Variants in NBPF14 observed in about 807,000 individuals in gnomAD.
NBPF14 encodes the protein NBPF family member NBPF14.
NBPF14 carries 104 observed loss-of-function variants against 91.2 expected under a neutral mutation model. The ratio of observed to expected loss-of-function variants is 1.14; its 90% CI spans 0.97 to 1.34. The LOEUF is 1.34. NBPF14 is among the 40% of genes most tolerant of loss of function. NBPF14 has a pLI of 0.00. For missense variants in NBPF14, 908 were observed against 783.0 expected (o/e 1.16, Z -1.91); for synonymous variants, 294 against 303.8 (o/e 0.97, Z 0.34).
rs1234068588 is a variant in NBPF14 at position 148,534,946 on chromosome 1, G to T, written c.8442-90C>A. 5.4e-6 allele frequency: 4 copies of T among 747,576 alleles called. No homozygotes were observed. In the South Asian group the frequency reaches 5.7e-5, roughly 11 times the overall value. The allele number at this position is 747,576 out of a possible 1,614,324, so 46.3% of individuals were successfully genotyped here. ...GATTTCATGGCTAACATAAGGAACA[G>T]TTTAAAAAGAAAAAGGACAGATCCA... On this transcript the variant is annotated intron_variant, in intron 68 of 70. Transcript: ENST00000619423.
In NBPF14 at chr1:148,559,864, G is replaced by T; in HGVS notation, c.4658C>A (p.Ser1553Ter). ...AAAGGCACTTCTATAGGGCTGGCAT[G>T]AGTCAGTCAGTTCAAGACAACCTGA... Residue 1553 changes from serine to a stop codon, truncating the protein, a stop_gained, in exon 37 of 71, where the codon TCA (serine) becomes TAA (stop). Transcript: ENST00000619423. LOFTEE classifies it high-confidence loss of function. 2.7e-6 allele frequency: 4 copies of T among 1,481,318 alleles called. 1 individual carries two copies. Among genetic ancestry groups the T allele is most frequent in the Non-Finnish European group, 3.6e-6 (4 of 1,099,810 alleles). The allele number at this position is 1,481,318 out of a possible 1,614,324, so 91.8% of individuals were successfully genotyped here. A position where few individuals can be genotyped will look rare whatever the true frequency, so the allele number is the denominator to read the frequency against.
intron 6 of NBPF14, among the ~76,000 whole-genome samples, chr1:148,589,782 C>A (rs1338147648): frequency 6.8e-6 from 1 of 147,090 alleles, no homozygotes; most frequent in African/African-American, 2.5e-5. Context: ...ACGCAGGCTG[C>A]AGTGCAGAGG....
At position 148,595,453 on chromosome 1, in the gene NBPF14, A is replaced by G; in HGVS notation, c.175+90T>C. 3.9e-6 allele frequency: 5 copies of G among 1,291,312 alleles called. 1 individual carries two copies. The South Asian group carries it at 6.3e-5, about 16-fold the overall frequency. The allele number at this position is 1,291,312 out of a possible 1,614,324, so 80.0% of individuals were successfully genotyped here. On this transcript the variant is annotated intron_variant, in intron 2 of 70. Coordinates refer to ENST00000619423, the Ensembl canonical transcript of NBPF14. ...TTCTTAGAAGTACAGGAAGGATGAAATTATTTTTGATGGAGAGAGCATTTA... is the reference window on the plus strand; with the variant it reads ...TTCTTAGAAGTACAGGAAGGATGAAGTTATTTTTGATGGAGAGAGCATTTA...
intron 69 of NBPF14, among the ~76,000 whole-genome samples, 163 bp downstream of exon 69, chr1:148,534,521 G>A (rs1654620577): frequency 2.0e-5 from 3 of 151,842 alleles, no homozygotes; most frequent in Admixed American, 6.6e-5. Flanking sequence ...TCATGTCTAG[G>A]CTTCCAGCTG....
intron 36 of NBPF14, among the ~76,000 whole-genome samples, chr1:148,560,218 G>C (rs1452947078): frequency 6.6e-6 from 1 of 150,914 alleles, no homozygotes; most frequent in Non-Finnish European, 1.5e-5. Flanking sequence ...CTAGTGAATT[G>C]GCCAGGTGAC....
At chr1:148,534,766 T>G in exon 69 of NBPF14, 1 of 831,088 alleles carries the variant, frequency 1.2e-6, no homozygotes, top group Non-Finnish European at 2.1e-6. Context: ...AGTCAGGCAG[T>G]TCAAGATAAC....
In NBPF14 at chr1:148,562,300, C is replaced by G; in HGVS notation, c.4223-13G>C. ...TCCTTTTTAATTCCTGCAATACATT[C>G]AGACAGGGACAGACAAAATAAGCCA... is the stretch of plus-strand genomic sequence containing the variant. On this transcript the variant is annotated splice_polypyrimidine_tract_variant and intron_variant, in intron 33 of 70. Transcript: ENST00000619423. The G allele has an allele frequency of 6.2e-6, 1 of 162,454 alleles. No homozygotes were observed. The highest frequency in any genetic ancestry group is 3.3e-5 in the South Asian group (1 of 29,860). The allele number at this position is 162,454 out of a possible 1,614,324, so 10.1% of individuals were successfully genotyped here.
At chr1:148,559,631 G>C (rs1270731666) in intron 37 of NBPF14, among the ~76,000 whole-genome samples, 162 bp downstream of exon 37, 1 of 125,132 alleles carries the variant, frequency 8.0e-6, no homozygotes, top group East Asian at 2.4e-4. Context: ...CCCTTGTCTG[G>C]GCTTCCAAGT....
chr1:148,566,260 C>T, exon 29 of NBPF14: 1 of 640,192 alleles, frequency 1.6e-6, no homozygotes, highest in Admixed American at 2.3e-5. Flanking sequence ...TAACATCTAT[C>T]CAGTGAGTCC....
chr1:148,559,601 A>G (rs1214719814), intron 37 of NBPF14, among the ~76,000 whole-genome samples, 192 bp downstream of exon 37: 1 of 123,950 alleles, frequency 8.1e-6, no homozygotes, highest in African/African-American at 4.3e-5. Flanking sequence ...CTAGGAAGAG[A>G]GCCTTGCTCA....
In NBPF14 at chr1:148,593,193, G is replaced by T. The variant is rs1446591885; in HGVS notation, c.278+405C>A. ...TTGAAAAGATGAAAGAAGAAAAGAA[G>T]GACAGGGTCGAGGAGGCAACATTGA... On this transcript the variant is annotated intron_variant, in intron 3 of 70. Coordinates refer to ENST00000619423, the Ensembl canonical transcript of NBPF14. Among the ~76,000 whole-genome samples the T allele has an allele frequency of 1.0e-4, 15 of 148,328 alleles. 2 individuals carry two copies. The highest frequency in any genetic ancestry group is 6.6e-4 in the South Asian group (3 of 4,580).
At chr1:148,533,913 T>C (rs1224315769) in exon 70 of NBPF14, 7 of 752,998 alleles carry the variant, frequency 9.3e-6, no homozygotes, top group East Asian at 2.4e-5. Context: ...CCCCTTCTTC[T>C]TTCCTTCTTT....
chr1:148,559,767 T>G, intron 37 of NBPF14, 26 bp downstream of exon 37: 1 of 1,355,932 alleles, frequency 7.4e-7, no homozygotes, highest in Admixed American at 1.8e-5. Flanking sequence ...AGTGGATCCT[T>G]ATCACCTTCA....
At chr1:148,534,489 G>C (rs1431524781) in intron 69 of NBPF14, among the ~76,000 whole-genome samples, 195 bp downstream of exon 69, 1 of 151,834 alleles carries the variant, frequency 6.6e-6, no homozygotes, top group Admixed American at 6.6e-5. Context: ...ACTAGGAAGA[G>C]AGTCTTGCTC....
At chr1:148,595,466 G>T in intron 2 of NBPF14, 77 bp downstream of exon 2, 5 of 1,230,146 alleles carry the variant, frequency 4.1e-6, no homozygotes, top group Non-Finnish European at 4.7e-6. Flanking sequence ...ATTTTTGATG[G>T]AGAGAGCATT....
chr1:148,590,040 CTTTTTTTTTTTTTTT>C (rs1196401979), intron 6 of NBPF14, among the ~76,000 whole-genome samples: 1 of 76,348 alleles, frequency 1.3e-5, no homozygotes, highest in Non-Finnish European at 2.6e-5. Context: ...CAGAGACTTA[CTTTTTTTTTTTTTTT>C]TTTTTTTTTT....
intron 70 of NBPF14, 148 bp downstream of exon 70, chr1:148,533,713 A>T (rs1553331685): frequency 1.4e-6 from 1 of 707,526 alleles, no homozygotes; most frequent in Non-Finnish European, 2.5e-6. Context: ...AAACCTAAAC[A>T]TCTACTGCAA....
chr1:148,587,167 T>C, intron 8 of NBPF14, 134 bp downstream of exon 8: 1 of 719,692 alleles, frequency 1.4e-6, no homozygotes, highest in Non-Finnish European at 2.5e-6. Flanking sequence ...TAAATATTTG[T>C]GTGTAGCGAG....
At chr1:148,577,342 G>T in exon 15 of NBPF14, 2 of 617,988 alleles carry the variant, frequency 3.2e-6, no homozygotes, top group Non-Finnish European at 5.7e-6. Context: ...TCATCCAGCA[G>T]CTCCCTGCTG....
Sources: allele counts gnomAD v4.1 joint callset (sites outside exome capture counted in the v4.1 genomes callset), GRCh38; gene constraint gnomAD v4.1.1; transcripts MANE v1.5; gene names NCBI Gene and HGNC (gene_info 2026-07-23, HGNC 2026-07-21).